LCN12: variants seen among roughly 807,000 people sequenced by gnomAD.
LCN12 encodes the protein lipocalin 12, also known as epididymal-specific lipocalin-12.
Under a neutral mutation model 23.7 loss-of-function variants are expected in LCN12, and 15 were observed. The ratio of observed to expected loss-of-function variants is 0.63; its 90% CI spans 0.42 to 0.97. The LOEUF is 0.97. Among genes scored for constraint, LCN12 ranks in the 50% least tolerant of loss-of-function variants. The probability of loss-of-function intolerance (pLI) is 0.00; values close to 1 mark genes in which losing one functional copy is unlikely to be tolerated. For synonymous variants in LCN12, 116 were observed against 111.5 expected, an observed-to-expected ratio of 1.04 and a Z score of -0.25; for missense variants, 219 against 249.6, an observed-to-expected ratio of 0.88 and a Z score of 0.83.
intron 5 of LCN12, 108 bp downstream of exon 5, chr9:136,954,363 G>A (rs1326737042): frequency 1.6e-6 from 2 of 1,270,106 alleles, no homozygotes; most frequent in Non-Finnish European, 2.2e-6. Context: ...AGGGAGCTCA[G>A]CCCCAGCCTG....
intron 5 of LCN12, chr9:136,955,123 G>T: frequency 1.4e-6 from 2 of 1,417,428 alleles, no homozygotes; most frequent in Non-Finnish European, 1.8e-6. Flanking sequence ...GGCCCATGGG[G>T]ACAGGGACAG....
rs1393601177 is a variant in LCN12 at position 136,954,695 on chromosome 9, T to G, written c.550+440T>G. The G allele has an allele frequency of 4.7e-6, 6 of 1,289,444 alleles. No homozygotes were observed. In the East Asian group the frequency reaches 3.3e-4, roughly 71 times the overall value. The allele number at this position is 1,289,444 out of a possible 1,614,324, so 79.9% of individuals were successfully genotyped here. On this transcript the variant is annotated intron_variant, in intron 5 of 5. Transcript: ENST00000371633. Reference sequence around the variant, plus strand: ...GCCACCTCCTCCCCTCACCCATCCCTGCTCACAAGGAGCTTGGACTCATCC... The same window carrying G: ...GCCACCTCCTCCCCTCACCCATCCCGGCTCACAAGGAGCTTGGACTCATCC...
intron 2 of LCN12, 88 bp downstream of exon 2, chr9:136,953,116 C>A (rs995035628): frequency 5.8e-6 from 9 of 1,549,128 alleles, no homozygotes; most frequent in African/African-American, 2.7e-5. Flanking sequence ...CGCCATGGGC[C>A]CTGTCCCAGC....
At position 136,952,394 on chromosome 9, in the gene LCN12, A is replaced by AC. The variant is rs767114675; in HGVS notation, c.73dup (p.Leu25ProfsTer45). ...GAAAGTCCTGCAGGCCCAGACCCCA[A>AC]CCCCCCTGCCACTCCCGCCCCCGAT... On this transcript the variant is annotated frameshift_variant, in exon 1 of 6. Transcript: ENST00000371633. LOFTEE classifies it high-confidence loss of function. 1.3e-6 allele frequency: 2 copies of AC among 1,582,496 alleles called. No homozygotes were observed. Among genetic ancestry groups the AC allele is most frequent in the Non-Finnish European group, 1.7e-6 (2 of 1,166,390 alleles).
downstream of LCN12, among the ~76,000 whole-genome samples, chr9:136,956,009 C>A (rs1389520419): frequency 6.6e-6 from 1 of 152,116 alleles, no homozygotes; most frequent in Non-Finnish European, 1.5e-5. Flanking sequence ...GCCTGCTGGG[C>A]ACAGAGACAC....
chr9:136,952,860 ACCGCC>A, intron 1 of LCN12, 27 bp from the exon 2 acceptor site: 1 of 1,009,378 alleles, frequency 9.9e-7, no homozygotes, highest in Non-Finnish European at 1.5e-6. Context: ...ACCCCTGCCC[ACCGCC>A]GCCCCTGCCC....
chr9:136,953,100 C>G (rs1015019292), intron 2 of LCN12, 72 bp downstream of exon 2: 1 of 1,589,576 alleles, frequency 6.3e-7, no homozygotes, highest in East Asian at 2.2e-5. Flanking sequence ...GCCAGTGGCT[C>G]AGGTGCGCCA....
At chr9:136,955,220 C>T in intron 5 of LCN12, 151 bp from the exon 6 acceptor site, 1 of 1,443,250 alleles carries the variant, frequency 6.9e-7, no homozygotes, top group Non-Finnish European at 9.1e-7. Context: ...CACCCCAGCC[C>T]CTTCCCCTAG....
chr9:136,952,860 A>AC, intron 1 of LCN12, 32 bp from the exon 2 acceptor site: 1 of 1,009,368 alleles, frequency 9.9e-7, no homozygotes, highest in Non-Finnish European at 1.5e-6. Context: ...ACCCCTGCCC[A>AC]CCGCCGCCCC....
chr9:136,952,593 G>A (rs1851184480), intron 1 of LCN12, 152 bp downstream of exon 1: 4 of 651,248 alleles, frequency 6.1e-6, no homozygotes, highest in South Asian at 5.8e-5. Context: ...TCCAGCAGAG[G>A]AGGGCCCAGC....
chr9:136,952,581 C>T (rs1851184182), intron 1 of LCN12, 140 bp downstream of exon 1: 4 of 675,750 alleles, frequency 5.9e-6, no homozygotes, highest in Admixed American at 2.8e-5. Flanking sequence ...GGGCCCCTGA[C>T]CTCCAGCAGA....
rs1851293420 is a variant in LCN12, at chr9:136,955,128, G to A, written c.551-243G>A. The stretch of plus-strand genomic sequence containing the variant: ...TGAGTCTGGGGGCCCATGGGGACAG[G>A]GACAGGTGAGGGGCTTCCTGAGGAC... On this transcript the variant is annotated intron_variant, in intron 5 of 5. Transcript: ENST00000371633. The A allele has an allele frequency of 6.3e-6, 9 of 1,417,432 alleles. No individual in the cohort carries two copies. In the South Asian group the frequency reaches 1.2e-4, roughly 20 times the overall value. The allele number at this position is 1,417,432 out of a possible 1,614,324, so 87.8% of individuals were successfully genotyped here.
chr9:136,953,820 C>G (rs921578446), intron 3 of LCN12, 28 bp from the exon 4 acceptor site: 1 of 1,598,666 alleles, frequency 6.3e-7, no homozygotes, highest in Non-Finnish European at 8.5e-7. Flanking sequence ...TGCTGGCCCA[C>G]AGGGATGTGA....
downstream of LCN12, chr9:136,955,632 T>C (rs1851305349): frequency 3.9e-6 from 2 of 517,574 alleles, no homozygotes; most frequent in Admixed American, 3.4e-5. Flanking sequence ...CTGGCCAGTG[T>C]GTGTGACTCT....
At chr9:136,956,421 C>T (rs143643829), downstream of LCN12, among the ~76,000 whole-genome samples, 18 of 152,324 alleles carry the variant, frequency 1.2e-4, no homozygotes, top group East Asian at 2.5e-3. Flanking sequence ...AACTGGAAGA[C>T]GGACAGAGAC....
At chr9:136,954,844 CT>C (rs1250621195) in intron 5 of LCN12, 1 of 1,264,426 alleles carries the variant, frequency 7.9e-7, no homozygotes, top group Non-Finnish European at 1.0e-6. Flanking sequence ...TGAGTCCCTC[CT>C]CTTCCTGGAG....
chr9:136,953,455 G>A (rs1377388901), intron 2 of LCN12: 7 of 479,184 alleles, frequency 1.5e-5, no homozygotes, highest in Non-Finnish European at 2.2e-5. Flanking sequence ...CACTTTAGGG[G>A]CCGGGCGCAG....
chr9:136,954,696 G>C (rs1299843510), intron 5 of LCN12: 2 of 1,290,648 alleles, frequency 1.5e-6, no homozygotes, highest in South Asian at 2.5e-5. Flanking sequence ...ACCCATCCCT[G>C]CTCACAAGGA....
rs374461198 is a variant in LCN12 at position 136,953,670 on chromosome 9, C to A, written c.252-30C>A. 1.1e-4 allele frequency: 167 copies of A among 1,504,524 alleles called. 1 individual carries two copies. The South Asian group carries it at 1.3e-3, about 12-fold the overall frequency. 93.2% of individuals were successfully genotyped at this position (1,504,524 alleles called of 1,614,324 possible). On this transcript the variant is annotated intron_variant, in intron 2 of 5. Coordinates refer to ENST00000371633, the MANE Select transcript of LCN12 (RefSeq NM_178536.4). ...AGCATGGACCTGCCAGCTTCCGGAG[C>A]CTTCCGCCTCCACCTGTCCCCTCCT...
Sources: allele counts gnomAD v4.1 joint callset (sites outside exome capture counted in the v4.1 genomes callset), GRCh38; gene constraint gnomAD v4.1.1; transcripts MANE v1.5; gene names NCBI Gene and HGNC (gene_info 2026-07-23, HGNC 2026-07-21).